IL1RN: variants seen among roughly 807,000 people sequenced by gnomAD.
IL1RN encodes the protein interleukin 1 receptor antagonist.
IL1RN carries 10 observed loss-of-function variants against 13.7 expected under a neutral mutation model. The observed-to-expected ratio is 0.73, with a 90% CI of 0.45 to 1.24. The LOEUF (loss-of-function observed/expected upper bound fraction) is 1.24. IL1RN is among the 50% of genes most tolerant of loss of function. The probability of loss-of-function intolerance (pLI) is 0.00; values close to 1 mark genes in which losing one functional copy is unlikely to be tolerated. For missense variants in IL1RN, 213 were observed against 222.1 expected, an observed-to-expected ratio of 0.96 and a Z score of 0.26; for synonymous variants, 102 against 82.7, an observed-to-expected ratio of 1.23 and a Z score of -1.27.
In IL1RN at chr2:113,129,650, A is replaced by C. The variant is rs1687090356; in HGVS notation, c.191A>C (p.Asn64Thr). ...GTTGCTGGATACTTGCAAGGACCAA[A>C]TGTCAATTTAGAAGGTGAGTGGTTG... Reference protein sequence around the residue: ...QLVAGYLQGPNVNLEEKIDVV... With the variant: ...QLVAGYLQGPTVNLEEKIDVV... Residue 64 changes from asparagine to threonine, a missense_variant, in exon 2 of 4, where the codon AAT becomes ACT. Physicochemically the swap from Asn to Thr is moderately conservative, Grantham distance 65. Coordinates refer to ENST00000409930, the MANE Select transcript of IL1RN (RefSeq NM_173842.3). The C allele has an allele frequency of 6.2e-7, 1 of 1,610,114 alleles. No homozygotes were observed. The highest frequency in any genetic ancestry group is 8.5e-7 in the Non-Finnish European group (1 of 1,176,226).
upstream of IL1RN, among the ~76,000 whole-genome samples, chr2:113,114,433 C>G (rs956264599): frequency 1.3e-5 from 2 of 152,146 alleles, no homozygotes; most frequent in African/African-American, 4.8e-5. Context: ...TGAGCCATGG[C>G]CTGGGGACAA....
At position 113,132,939 on chromosome 2, in the gene IL1RN, C is replaced by A; in HGVS notation, c.*68C>A. The A allele has an allele frequency of 6.7e-7, 1 of 1,488,672 alleles. No individual in the cohort carries two copies. Among genetic ancestry groups the A allele is most frequent in the Non-Finnish European group, 9.4e-7 (1 of 1,067,062 alleles). The allele number at this position is 1,488,672 out of a possible 1,614,324, so 92.2% of individuals were successfully genotyped here. A position where few individuals can be genotyped will look rare whatever the true frequency, so the allele number is the denominator to read the frequency against. ...CTGCAGGGACTGCCAGTCCCCCTGC[C>A]CCAGGGCTCCCGGCTATGGGGGCAC... On this transcript the variant is annotated 3_prime_UTR_variant, in exon 4 of 4. Coordinates refer to ENST00000409930, the MANE Select transcript of IL1RN (RefSeq NM_173842.3).
In IL1RN at chr2:113,133,209, C is replaced by T. The variant is rs901414333; in HGVS notation, c.*338C>T. 2 of 411,742 alleles carry T rather than the reference C, an allele frequency of 4.9e-6. No individual in the cohort carries two copies. Among genetic ancestry groups the T allele is most frequent in the Non-Finnish European group, 9.2e-6 (2 of 217,578 alleles). 25.5% of individuals were successfully genotyped at this position (411,742 alleles called of 1,614,324 possible). A position where few individuals can be genotyped will look rare whatever the true frequency, so the allele number is the denominator to read the frequency against. Reference sequence around the variant, plus strand: ...CACTGCCTCTTCCTCCCTCATTCCACCTTCCCATGCCCTGGATCCATCAGG... The same window carrying T: ...CACTGCCTCTTCCTCCCTCATTCCATCTTCCCATGCCCTGGATCCATCAGG... On this transcript the variant is annotated 3_prime_UTR_variant, in exon 4 of 4. Transcript: ENST00000409930.
the IL1RN span, among the ~76,000 whole-genome samples, chr2:113,099,925 G>A: frequency 4.4e-3 from 616 of 140,770 alleles, 4 homozygotes; most frequent in African/African-American, 0.015. Flanking sequence ...TAGTAGAGAC[G>A]GGGTTTCACC....
chr2:113,127,937 T>C (rs1465384258), intron 1 of IL1RN, among the ~76,000 whole-genome samples, 197 bp downstream of exon 1: 3 of 152,204 alleles, frequency 2.0e-5, no homozygotes, highest in Non-Finnish European at 4.4e-5. Context: ...CAGATGTGGA[T>C]AGTGCGACCG....
intron 2 of IL1RN, among the ~76,000 whole-genome samples, chr2:113,121,815 G>A (rs1179678767): frequency 6.6e-6 from 1 of 152,224 alleles, no homozygotes; most frequent in African/African-American, 2.4e-5. Flanking sequence ...TGCTGCCTTA[G>A]GGAGCTTCTA....
chr2:113,120,933 G>A (rs1269046827), intron 2 of IL1RN, among the ~76,000 whole-genome samples: 1 of 152,136 alleles, frequency 6.6e-6, no homozygotes, highest in African/African-American at 2.4e-5. Context: ...TGGAGCAAGT[G>A]AGTTAATCTT....
chr2:113,127,596 G>T, upstream of IL1RN: 3 of 1,612,306 alleles, frequency 1.9e-6, no homozygotes, highest in South Asian at 2.2e-5. Flanking sequence ...GCCCGCAATG[G>T]CAGTCCACTG....
rs190255556 is a variant in IL1RN at position 113,131,266 on chromosome 2, G to C, written c.318+109G>C. ...TGACCAGGATTAGCTGGGTAGTTCT[G>C]TTCCATGTGGTGGAACATGCTGGGG... is the stretch of plus-strand genomic sequence containing the variant. On this transcript the variant is annotated intron_variant, in intron 3 of 3. Coordinates refer to ENST00000409930, the MANE Select transcript of IL1RN (RefSeq NM_173842.3). 9.4e-6 allele frequency: 7 copies of C among 743,348 alleles called. No individual in the cohort carries two copies. The Admixed American group carries it at 1.2e-4, about 12-fold the overall frequency. The allele number at this position is 743,348 out of a possible 1,614,324, so 46.0% of individuals were successfully genotyped here.
upstream of IL1RN, among the ~76,000 whole-genome samples, chr2:113,114,495 G>A (rs1327230376): frequency 1.3e-5 from 2 of 152,182 alleles, no homozygotes. Flanking sequence ...TGGTGGCGAT[G>A]GAGGTAGCTC....
upstream of IL1RN, among the ~76,000 whole-genome samples, chr2:113,109,353 G>A (rs1686451476): frequency 6.6e-6 from 1 of 150,558 alleles, no homozygotes; most frequent in Non-Finnish European, 1.5e-5. Context: ...CAGAGGTTGT[G>A]GTGAGCAGAG....
rs1687232528 is a variant in IL1RN, at chr2:113,133,096, C to A, written c.*225C>A. The A allele has an allele frequency of 1.2e-5, 7 of 605,618 alleles. No individual in the cohort carries two copies. Among genetic ancestry groups the A allele is most frequent in the South Asian group, 1.1e-4 (6 of 53,104 alleles). The allele number at this position is 605,618 out of a possible 1,614,324, so 37.5% of individuals were successfully genotyped here. A position where few individuals can be genotyped will look rare whatever the true frequency, so the allele number is the denominator to read the frequency against. ...GGTCTTTCTAATGTGTGAATCAGAG[C>A]ACAGCAGCCCCTGCACAAAGCCCTT... On this transcript the variant is annotated 3_prime_UTR_variant, in exon 4 of 4. Transcript: ENST00000409930.
At chr2:113,128,053 G>C (rs2104452771) in intron 1 of IL1RN, among the ~76,000 whole-genome samples, 1 of 152,330 alleles carries the variant, frequency 6.6e-6, no homozygotes, top group South Asian at 2.1e-4. Flanking sequence ...TGACAGAGAA[G>C]CAGAGAGGGG....
upstream of IL1RN, among the ~76,000 whole-genome samples, chr2:113,103,814 G>A (rs1343119648): frequency 6.6e-6 from 1 of 152,094 alleles, no homozygotes; most frequent in Non-Finnish European, 1.5e-5. Flanking sequence ...GACATTCTGG[G>A]TGTCATATGA....
upstream of IL1RN, among the ~76,000 whole-genome samples, chr2:113,125,334 A>G (rs1686919256): frequency 6.6e-6 from 1 of 152,254 alleles, no homozygotes; most frequent in African/African-American, 2.4e-5. Context: ...TAGTCCTCAC[A>G]AAAACAAACA....
At chr2:113,117,877 G>A, upstream of IL1RN, 5 of 768,264 alleles carry the variant, frequency 6.5e-6, no homozygotes, top group Non-Finnish European at 1.2e-5. Flanking sequence ...TACTCTCTGA[G>A]GTGCTCTGGA....
At chr2:113,104,898 T>A (rs1686365256), upstream of IL1RN, among the ~76,000 whole-genome samples, 1 of 152,200 alleles carries the variant, frequency 6.6e-6, no homozygotes, top group Non-Finnish European at 1.5e-5. Context: ...AAATCCCACA[T>A]CTGATTTATT....
At chr2:113,112,453 C>T (rs1356502284) in intron 1 of IL1RN, among the ~76,000 whole-genome samples, 1 of 152,128 alleles carries the variant, frequency 6.6e-6, no homozygotes, top group Non-Finnish European at 1.5e-5. Context: ...TTCTGGAGTC[C>T]CCAACTCTGC....
At chr2:113,130,252 G>A (rs914299967) in intron 2 of IL1RN, 1 of 163,774 alleles carries the variant, frequency 6.1e-6, no homozygotes, top group East Asian at 1.7e-4. Context: ...TTGTAGGATG[G>A]TATTACCTCC....
Sources: gnomAD v4.1 joint callset for allele counts (sites outside exome capture counted in the v4.1 genomes callset) on GRCh38, gnomAD v4.1.1 for gene constraint, MANE v1.5 for transcripts, NCBI Gene and HGNC (gene_info 2026-07-23, HGNC 2026-07-21) for gene names.